TTN: variants seen among roughly 807,000 people sequenced by gnomAD.
TTN encodes titin.
A neutral mutation model predicts 3,223.0 loss-of-function variants in TTN; 1,525 were observed. The ratio of observed to expected loss-of-function variants is 0.47; its 90% CI spans 0.45 to 0.49. The LOEUF (loss-of-function observed/expected upper bound fraction) is 0.49. TTN is among the 20% of genes least tolerant of loss of function. The pLI is 0.00. For missense variants in TTN, 40,786 were observed against 43,424.0 expected (o/e 0.94, Z 5.40); for synonymous variants, 14,094 against 15,161.0 (o/e 0.93, Z 5.17).
rs367665060 is a variant in TTN at position 178,580,517 on chromosome 2, G to A, written c.66862C>T (p.Arg22288Cys). The A allele has an allele frequency of 2.2e-5, 35 of 1,612,672 alleles. No homozygotes were observed. The highest frequency in any genetic ancestry group is 1.3e-4 in the African/African-American group (10 of 74,856). ...GACCAAGTAATCTTTGGAGGTGGGC[G>A]TCCTTTTACTGGTACATATAGTCTC... is the stretch of plus-strand genomic sequence containing the variant. ...TMRLYVPVKG[R>C]PPPKITWSKP... The change falls in exon 317 of 363, where the codon CGC becomes TGC. Residue 22288 changes from arginine to cysteine, a missense_variant. Physicochemically the swap from Arg to Cys is radical, Grantham distance 180. Coordinates refer to ENST00000589042, the MANE Select transcript of TTN (RefSeq NM_001267550.2).
In TTN at chr2:178,704,782, G is replaced by A. The variant is rs2154291324; in HGVS notation, c.29695-5C>T. On this transcript the variant is annotated splice_region_variant and splice_polypyrimidine_tract_variant and intron_variant, in intron 104 of 362. Coordinates refer to ENST00000589042, the MANE Select transcript of TTN (RefSeq NM_001267550.2). ...GTCCTTGATCAGAGTGACAGGCTAGGAGAATAAAGAATTAAAACACATTTG... is the reference window on the plus strand; with the variant it reads ...GTCCTTGATCAGAGTGACAGGCTAGAAGAATAAAGAATTAAAACACATTTG... 6.2e-7 allele frequency: 1 copy of A among 1,607,132 alleles called. No individual in the cohort carries two copies. Among genetic ancestry groups the A allele is most frequent in the Middle Eastern group, 1.7e-4 (1 of 6,018 alleles).
intron 295 of TTN, 66 bp downstream of exon 295, chr2:178,595,441 T>C: frequency 2.1e-6 from 3 of 1,452,668 alleles, no homozygotes; most frequent in Non-Finnish European, 2.8e-6. Context: ...ACATATTTTT[T>C]CACCATAGTC....
At chr2:178,639,564 A>C in intron 223 of TTN, 135 bp downstream of exon 223, 1 of 900,248 alleles carries the variant, frequency 1.1e-6, no homozygotes, top group Non-Finnish European at 1.8e-6. Flanking sequence ...AAAAGGTAGA[A>C]ACTTACCATA....
In TTN at chr2:178,530,329, G is replaced by T. The variant is rs1241466221; in HGVS notation, c.106286C>A (p.Thr35429Lys). ...AGCAACACTGTCTGAAGAAACAGTT[G>T]TATCCTGCAACCCAGTAACAATTAC... Reference protein sequence around the residue: ...KPVIVTGLQDTTVSSDSVAKF... With the variant: ...KPVIVTGLQDKTVSSDSVAKF... Residue 35429 changes from threonine (T) to lysine (K), a missense_variant, in exon 358 of 363, where the codon ACA (threonine) becomes AAA (lysine). Physicochemically the swap from Thr to Lys is moderately conservative, Grantham distance 78. Coordinates refer to ENST00000589042, the MANE Select transcript of TTN (RefSeq NM_001267550.2). 5 of 1,613,990 alleles carry T rather than the reference G, an allele frequency of 3.1e-6. No homozygotes were observed. In the Admixed American group the frequency reaches 8.3e-5, roughly 27 times the overall value.
chr2:178,583,733 C>A lies in TTN; in HGVS notation c.65449G>T (p.Glu21817Ter). The change falls in exon 312 of 363, where the codon GAA (glutamate) becomes TAA (stop). Residue 21817 changes from glutamate to a stop codon, truncating the protein, a stop_gained. Coordinates refer to ENST00000589042, the MANE Select transcript of TTN (RefSeq NM_001267550.2). LOFTEE classifies it high-confidence loss of function. ...TCTAGGCCAGTAGCTGTGTACTCTT[C>A]CTGGGGAATCTGGTGAGGTGCAGTA... ...CNTAPHQIPQ[E>*]EYTATGLEEK... The A allele has an allele frequency of 6.2e-7, 1 of 1,612,302 alleles. No homozygotes were observed. The highest frequency in any genetic ancestry group is 8.5e-7 in the Non-Finnish European group (1 of 1,179,152).
At position 178,677,820 on chromosome 2, in the gene TTN, T is replaced by A. The variant is rs765888527; in HGVS notation, c.34092A>T (p.Leu11364=). The change falls in exon 146 of 363, where the codon CTA becomes CTT. Residue 11364 remains leucine, a synonymous_variant. Transcript: ENST00000589042. ...CAGGTAGAACTTCCTCTTCCTCAGGTAGAACTTCCTCTTCAGGAACAATTT... is the reference window on the plus strand; with the variant it reads ...CAGGTAGAACTTCCTCTTCCTCAGGAAGAACTTCCTCTTCAGGAACAATTT... ...EEEIVPEEEV[L]PEEEEVLPEE... is the part of the protein sequence containing the mutation. 17 of 1,612,734 alleles carry A rather than the reference T, an allele frequency of 1.1e-5. No homozygotes were observed. Among genetic ancestry groups the A allele is most frequent in the Non-Finnish European group, 1.4e-5 (16 of 1,179,216 alleles).
chr2:178,588,874 C>G lies in TTN; in HGVS notation c.62851G>C (p.Glu20951Gln). 4.3e-6 allele frequency: 7 copies of G among 1,613,284 alleles called. No homozygotes were observed. The South Asian group carries it at 7.7e-5, about 18-fold the overall frequency. Residue 20951 changes from glutamate to glutamine, a missense_variant, in exon 304 of 363, where the codon GAA becomes CAA. Transcript: ENST00000589042. Reference sequence around the variant, plus strand: ...GTTTTGGCTATGACTGGTTTACTTTCTGTTGGAGGCCCTGTGCCTATTTTA... The same window carrying G: ...GTTTTGGCTATGACTGGTTTACTTTGTGTTGGAGGCCCTGTGCCTATTTTA... The part of the protein sequence containing the change: ...ENKIGTGPPT[E>Q]SKPVIAKTKY...
rs1228967454 is a variant in TTN at position 178,732,276 on chromosome 2, A to T, written c.16693T>A (p.Cys5565Ser). The T allele has an allele frequency of 6.2e-7, 1 of 1,613,644 alleles. No individual in the cohort carries two copies. Among genetic ancestry groups the T allele is most frequent in the Non-Finnish European group, 8.5e-7 (1 of 1,179,678 alleles). The change falls in exon 57 of 363, where the codon TGC becomes AGC. Residue 5565 changes from cysteine (C) to serine (S), a missense_variant. Physicochemically the swap from Cys to Ser is moderately radical, Grantham distance 112 (BLOSUM62 -1). Transcript: ENST00000589042. Reference sequence around the variant, plus strand: ...ATTGGAGGGGTACCAGTTACTTTGCAGGCTAGCTGGGTGGCATCTCCCTTC... The same window carrying T: ...ATTGGAGGGGTACCAGTTACTTTGCTGGCTAGCTGGGTGGCATCTCCCTTC... ...LKKGDATQLA[C>S]KVTGTPPIKI...
At position 178,540,065 on chromosome 2, in the gene TTN, C is replaced by T. The variant is rs556524594; in HGVS notation, c.98098+3G>A. The T allele has an allele frequency of 4.1e-5, 66 of 1,597,168 alleles. No individual in the cohort carries two copies. In the East Asian group the frequency reaches 1.4e-3, roughly 34 times the overall value. On this transcript the variant is annotated splice_donor_region_variant and intron_variant, in intron 351 of 362. Transcript: ENST00000589042. The stretch of plus-strand genomic sequence containing the variant: ...GCAGAAAGCAAATGATCATATGTCT[C>T]ACCAAGCATTTCAGTGACTTTGACT...
chr2:178,757,999 A>G, intron 44 of TTN, 83 bp from the exon 45 acceptor site: 2 of 1,408,408 alleles, frequency 1.4e-6, no homozygotes, highest in Non-Finnish European at 1.9e-6. Flanking sequence ...GATTTGTCAC[A>G]AATTTCAATA....
chr2:178,556,708 C>A (rs980332799), intron 330 of TTN, 140 bp downstream of exon 330: 2 of 994,460 alleles, frequency 2.0e-6, no homozygotes, highest in Non-Finnish European at 2.9e-6. Context: ...TCCTCAGACT[C>A]CCAGCTAGTC....
intron 207 of TTN, 48 bp from the exon 208 acceptor site, chr2:178,651,368 A>C (rs1343225544): frequency 1.0e-5 from 16 of 1,604,310 alleles, no homozygotes; most frequent in Non-Finnish European, 1.4e-5. Context: ...ACCAGTAAAC[A>C]TTCATCACAT....
At chr2:178,595,444 C>T (rs984510789) in intron 295 of TTN, 63 bp downstream of exon 295, 1 of 1,473,920 alleles carries the variant, frequency 6.8e-7, no homozygotes, top group African/African-American at 1.4e-5. Flanking sequence ...TATTTTTTCA[C>T]CATAGTCTTG....
rs1266064359 is a variant in TTN at position 178,568,298 on chromosome 2, A to G, written c.77834T>C (p.Val25945Ala). The G allele has an allele frequency of 6.8e-6, 11 of 1,613,336 alleles. No homozygotes were observed. Among genetic ancestry groups the G allele is most frequent in the Non-Finnish European group, 3.4e-6 (4 of 1,179,632 alleles). Residue 25945 changes from valine (V) to alanine (A), a missense_variant, in exon 326 of 363, where the codon GTT becomes GCT. Transcript: ENST00000589042. The stretch of plus-strand genomic sequence containing the variant: ...GGTCACTTTGAGTGTAGTTCTAGCA[A>G]CAGTAGCAGAAACAACATCCCATAC... ...TTVWDVVSAT[V>A]ARTTLKVTKL...
rs747130957 is a variant in TTN, at chr2:178,537,209, G to A, written c.99900C>T (p.Ile33300=). ...CTGCGGAGTTCTTCAATAGAGCTTC[G>A]ATCACAATTGGTCCTGTAGGTTTGT... is the stretch of plus-strand genomic sequence containing the variant. ...KPDKPTGPIV[I]EALLKNSAVI... Residue 33300 remains isoleucine (I), a synonymous_variant, in exon 356 of 363, where the codon ATC becomes ATT. Transcript: ENST00000589042. 15 of 1,610,268 alleles carry A rather than the reference G, an allele frequency of 9.3e-6. 1 individual carries two copies. Among genetic ancestry groups the A allele is most frequent in the East Asian group, 8.9e-5 (4 of 44,812 alleles).
At position 178,568,936 on chromosome 2, in the gene TTN, C is replaced by T; in HGVS notation, c.77196G>A (p.Gln25732=). The change falls in exon 326 of 363, where the codon CAG becomes CAA. Residue 25732 remains glutamine (Q), a synonymous_variant. Coordinates refer to ENST00000589042, the MANE Select transcript of TTN (RefSeq NM_001267550.2). ...GTTTAGCTTGCATTTCCACAATATA[C>T]TGAATGATTTTACTGCCACCATCAT... is the stretch of plus-strand genomic sequence containing the variant. The part of the protein sequence containing the change: ...PEHDGGSKII[Q]YIVEMQAKHS... The T allele has an allele frequency of 6.2e-7, 1 of 1,613,428 alleles. No homozygotes were observed. Among genetic ancestry groups the T allele is most frequent in the Middle Eastern group, 1.7e-4 (1 of 6,056 alleles).
Position 178,565,044 on chromosome 2 carries a change from T to C in TTN, c.81088A>G (p.Thr27030Ala). The C allele has an allele frequency of 6.2e-7, 1 of 1,613,672 alleles. No homozygotes were observed. The highest frequency in any genetic ancestry group is 8.5e-7 in the Non-Finnish European group (1 of 1,179,688). The change falls in exon 326 of 363, where the codon ACA becomes GCA. Residue 27030 changes from threonine to alanine, a missense_variant. Transcript: ENST00000589042. ...TTCAGTTTGGTTATTTTAATTGTTG[T>C]TCTTGCAACTGTTGCTGATACCATG... ...WHMVSATVAR[T>A]TIKITKLKTG...
At position 178,800,677 on chromosome 2, in the gene TTN, T is replaced by C. The variant is rs138945705; in HGVS notation, c.301A>G (p.Thr101Ala). 2.5e-6 allele frequency: 4 copies of C among 1,607,004 alleles called. No homozygotes were observed. The highest frequency in any genetic ancestry group is 3.4e-6 in the Non-Finnish European group (4 of 1,176,584). Residue 101 changes from threonine (T) to alanine (A), a missense_variant, in exon 4 of 363, where the codon ACA becomes GCA. Thr to Ala is a moderately conservative substitution (Grantham distance 58). Coordinates refer to ENST00000589042, the MANE Select transcript of TTN (RefSeq NM_001267550.2). ...CGTTGAACGAAGTTGGGTGGTGCTG[T>C]CTCAGCTGCGGGGACAAGAGAACAA... ...STAELLVKAE[T>A]APPNFVQRLQ...
chr2:178,673,556 T>C, intron 152 of TTN, 77 bp downstream of exon 152: 1 of 1,162,740 alleles, frequency 8.6e-7, no homozygotes, highest in African/African-American at 1.6e-5. Flanking sequence ...AAGAAGGCAG[T>C]CAAAAAAGAA....
Sources: allele counts gnomAD v4.1 joint callset, GRCh38; gene constraint gnomAD v4.1.1; transcripts MANE v1.5; gene names NCBI Gene and HGNC (gene_info 2026-07-23, HGNC 2026-07-21).